The following HNRNPM variants were observed in gnomAD, a reference collection of about 807,000 sequenced individuals.
HNRNPM encodes the protein heterogeneous nuclear ribonucleoprotein M, also known as CEA receptor.
HNRNPM carries 11 observed loss-of-function variants against 73.1 expected under a neutral mutation model. The ratio of observed to expected loss-of-function variants is 0.15; its 90% CI spans 0.09 to 0.25. HNRNPM has a LOEUF of 0.25. Ranked by LOEUF, HNRNPM falls within the 10% of genes least tolerant of loss-of-function variation. The pLI, the probability that HNRNPM is intolerant of heterozygous loss-of-function variation, is 1.00. For missense variants in HNRNPM, 789 were observed against 1,067.9 expected, an observed-to-expected ratio of 0.74 and a Z score of 3.64; for synonymous variants, 407 against 355.2, an observed-to-expected ratio of 1.15 and a Z score of -1.64.
Position 8,448,607 on chromosome 19 carries a change from A to G in HNRNPM, c.113+3496A>G, listed in dbSNP as rs183744866. On this transcript the variant is annotated intron_variant, in intron 1 of 15. Coordinates refer to ENST00000325495, the MANE Select transcript of HNRNPM (RefSeq NM_005968.5). ...ATTCTCCTGCCTCAGCCTCACGAGT[A>G]GCTGGGACTACAGGCGCCCGCCACC... 4.4e-3 allele frequency among the ~76,000 whole-genome samples: 670 copies of G among 151,830 alleles called. 3 individuals are homozygous for G. Among genetic ancestry groups the G allele is most frequent in the African/African-American group, 0.016 (649 of 41,416 alleles).
intron 5 of HNRNPM, among the ~76,000 whole-genome samples, chr19:8,464,363 G>C (rs972893947): frequency 6.6e-6 from 1 of 152,176 alleles, no homozygotes; most frequent in South Asian, 2.1e-4. Context: ...TTGGCTGGGC[G>C]CAGTGGCTCA....
chr19:8,457,562 C>T (rs1439458715), intron 2 of HNRNPM, among the ~76,000 whole-genome samples: 2 of 152,120 alleles, frequency 1.3e-5, no homozygotes, highest in Non-Finnish European at 1.5e-5. Flanking sequence ...AAATTAATTA[C>T]TTTGCTGTTT....
At chr19:8,468,583 T>C (rs1299291177) in intron 8 of HNRNPM, among the ~76,000 whole-genome samples, 191 bp from the exon 9 acceptor site, 1 of 152,158 alleles carries the variant, frequency 6.6e-6, no homozygotes, top group Non-Finnish European at 1.5e-5. Context: ...CACAATAATA[T>C]CCATGTGTCT....
chr19:8,484,997 C>CT (rs1235375499), intron 13 of HNRNPM, among the ~76,000 whole-genome samples: 1 of 151,856 alleles, frequency 6.6e-6, no homozygotes, highest in Non-Finnish European at 1.5e-5. Context: ...AAGTGGCCAG[C>CT]TGTGTGCATT....
rs371919004 is a variant in HNRNPM, at chr19:8,462,509, G to A, written c.284-20G>A. On this transcript the variant is annotated intron_variant, in intron 2 of 15. Transcript: ENST00000325495. This position sits in a 1 kb window ranked among gnomAD's most constrained non-coding sequence, Gnocchi z 4.5. ...GCTTTTCTCCCTTGGTTTATGTGTC[G>A]TCTGGAAACTGATTTGTAGTTGGTG... 2.5e-6 allele frequency: 4 copies of A among 1,610,274 alleles called. No homozygotes were observed. Among genetic ancestry groups the A allele is most frequent in the African/African-American group, 1.3e-5 (1 of 74,792 alleles).
At chr19:8,464,499 G>C (rs375677194) in intron 5 of HNRNPM, among the ~76,000 whole-genome samples, 1 of 151,950 alleles carries the variant, frequency 6.6e-6, no homozygotes, top group South Asian at 2.1e-4. Context: ...TGGGCGTAGT[G>C]GGGGGTGCCT....
intron 15 of HNRNPM, 89 bp from the exon 16 acceptor site, chr19:8,488,602 G>A: frequency 1.7e-6 from 2 of 1,204,634 alleles, no homozygotes; most frequent in Non-Finnish European, 2.4e-6. Context: ...TTGTGCTCTA[G>A]GCTTCAGGGC....
intron 9 of HNRNPM, among the ~76,000 whole-genome samples, chr19:8,470,390 C>G (rs1383562152): frequency 6.6e-6 from 1 of 152,038 alleles, no homozygotes; most frequent in Non-Finnish European, 1.5e-5. Context: ...TGCAGTGGTG[C>G]GGTCTTGGCT....
At position 8,445,839 on chromosome 19, in the gene HNRNPM, A is replaced by G. The variant is rs1352222502; in HGVS notation, c.113+728A>G. On this transcript the variant is annotated intron_variant, in intron 1 of 15. Transcript: ENST00000325495. Reference sequence around the variant, plus strand: ...TTAGCGTTCACCCTCGGAAGCAGACAGATACGAAGTCGGGGGAGGAATCCC... The same window carrying G: ...TTAGCGTTCACCCTCGGAAGCAGACGGATACGAAGTCGGGGGAGGAATCCC... Among the ~76,000 whole-genome samples the G allele has an allele frequency of 6.6e-5, 10 of 152,376 alleles. 1 individual carries two copies. Among genetic ancestry groups the G allele is most frequent in the Admixed American group, 6.5e-4 (10 of 15,308 alleles).
At chr19:8,452,599 G>A (rs1172310360) in intron 1 of HNRNPM, among the ~76,000 whole-genome samples, 1 of 152,174 alleles carries the variant, frequency 6.6e-6, no homozygotes, top group Non-Finnish European at 1.5e-5. Flanking sequence ...GGTAGATTGC[G>A]TTCTAGGCAT....
intron 12 of HNRNPM, among the ~76,000 whole-genome samples, chr19:8,479,746 C>T (rs769108739): frequency 4.0e-5 from 5 of 125,758 alleles, no homozygotes; most frequent in South Asian, 2.5e-4. Flanking sequence ...GCCTGGCCAG[C>T]GGTGTATTTA....
chr19:8,459,783 C>T (rs1011636579), intron 2 of HNRNPM, among the ~76,000 whole-genome samples: 1 of 152,174 alleles, frequency 6.6e-6, no homozygotes, highest in African/African-American at 2.4e-5. Flanking sequence ...TGCTCATCTG[C>T]TTATCCTCCT....
At chr19:8,453,914 A>G (rs1406028490) in intron 1 of HNRNPM, among the ~76,000 whole-genome samples, 2 of 152,192 alleles carry the variant, frequency 1.3e-5, no homozygotes, top group East Asian at 1.9e-4. Context: ...ACACAAAGGT[A>G]AAGAGTGCAA....
intron 15 of HNRNPM, chr19:8,488,405 G>T: frequency 3.1e-6 from 1 of 325,774 alleles, no homozygotes; most frequent in Non-Finnish European, 5.7e-6. Context: ...AAATGTATGG[G>T]AACTTTCTGC....
chr19:8,472,356 C>T (rs1024280837), intron 10 of HNRNPM, among the ~76,000 whole-genome samples: 4 of 152,036 alleles, frequency 2.6e-5, no homozygotes, highest in Admixed American at 6.6e-5. Flanking sequence ...ATGGAAGCCC[C>T]TCTATCCCAC....
intron 12 of HNRNPM, chr19:8,482,817 A>C (rs556650313): frequency 5.1e-6 from 1 of 197,454 alleles, no homozygotes; most frequent in South Asian, 9.1e-5. Flanking sequence ...GACCAGCTTT[A>C]GAAAACTGCC....
intron 1 of HNRNPM, among the ~76,000 whole-genome samples, chr19:8,452,157 C>A (rs1338383734): frequency 6.6e-6 from 1 of 152,094 alleles, no homozygotes; most frequent in Admixed American, 6.6e-5. Flanking sequence ...ATGGTATGCA[C>A]CTGTGGAATA....
rs1599863928 is a variant in HNRNPM at position 8,487,015 on chromosome 19, C to T, written c.1978-9C>T. On this transcript the variant is annotated splice_polypyrimidine_tract_variant and intron_variant, in intron 14 of 15. Coordinates refer to ENST00000325495, the MANE Select transcript of HNRNPM (RefSeq NM_005968.5). ...CACGCATCAGTCTCCCTTTTCTTCT[C>T]CCCTTCAGCTGCCATTCGATTTCAC... 2 of 1,612,076 alleles carry T rather than the reference C, an allele frequency of 1.2e-6. No homozygotes were observed. The highest frequency in any genetic ancestry group is 2.2e-5 in the East Asian group (1 of 44,868).
intron 2 of HNRNPM, among the ~76,000 whole-genome samples, chr19:8,461,614 C>T (rs1969403087): frequency 6.6e-6 from 1 of 152,186 alleles, no homozygotes; most frequent in Non-Finnish European, 1.5e-5. Flanking sequence ...TGAGGAAAAT[C>T]TGCAGAAACT....
Sources: gnomAD v4.1 joint callset for allele counts (sites outside exome capture counted in the v4.1 genomes callset) on GRCh38, gnomAD v4.1.1 for gene constraint, Gnocchi (gnomAD v3.1) non-coding constraint, MANE v1.5 for transcripts, NCBI Gene and HGNC (gene_info 2026-07-23, HGNC 2026-07-21) for gene names.